Variants in DLEC1 observed in about 807,000 individuals in gnomAD.
The protein encoded by DLEC1 is deleted in lung and esophageal cancer protein 1.
Under a neutral mutation model 198.1 loss-of-function variants are expected in DLEC1, and 146 were observed. The observed-to-expected ratio is 0.74, with a 90% CI of 0.64 to 0.85. The LOEUF (loss-of-function observed/expected upper bound fraction) is 0.85, where lower values mean the gene tolerates loss of function less well. Ranked by LOEUF, DLEC1 falls within the 40% of genes least tolerant of loss-of-function variation. The pLI is 0.00. For synonymous variants in DLEC1, 897 were observed against 866.8 expected (o/e 1.03, Z -0.61); for missense variants, 2,233 against 2,220.0 (o/e 1.01, Z -0.12).
rs546649134 is a variant in DLEC1 at position 38,110,805 on chromosome 3, C to T, written c.3443+524C>T. 3.3e-5 allele frequency among the ~76,000 whole-genome samples: 5 copies of T among 152,070 alleles called. No homozygotes were observed. In the South Asian group the frequency reaches 8.3e-4, roughly 25 times the overall value. ...ACACACACACACGTACATATACACA[C>T]ACATGCATACACACATACATATACA... is the stretch of plus-strand genomic sequence containing the variant. On this transcript the variant is annotated intron_variant, in intron 23 of 36. Coordinates refer to ENST00000308059, the MANE Select transcript of DLEC1 (RefSeq NM_007335.4).
chr3:38,078,358 G>T (rs181611882), intron 6 of DLEC1, among the ~76,000 whole-genome samples: 1 of 152,212 alleles, frequency 6.6e-6, no homozygotes, highest in African/African-American at 2.4e-5. Flanking sequence ...AGCAGCAGCC[G>T]CTGCACGCAG....
chr3:38,062,231 A>G lies in DLEC1; in HGVS notation c.736A>G (p.Lys246Glu). 1.9e-6 allele frequency: 3 copies of G among 1,614,224 alleles called. No individual in the cohort carries two copies. The African/African-American group carries it at 4.0e-5, about 22-fold the overall frequency. The change falls in exon 4 of 37, where the codon AAA becomes GAA. Residue 246 changes from lysine (K) to glutamate (E), a missense_variant. Lys to Glu is a moderately conservative substitution (Grantham distance 56). Coordinates refer to ENST00000308059, the MANE Select transcript of DLEC1 (RefSeq NM_007335.4). ...FSCEKRSVQKKELNKKLEDSC... is the reference protein window; with the variant it reads ...FSCEKRSVQKEELNKKLEDSC... ...CTGTGAGAAGCGTTCCGTCCAGAAG[A>G]AAGAGCTGAACAAGAAGCTTGAAGA... is the stretch of plus-strand genomic sequence containing the variant.
intron 19 of DLEC1, among the ~76,000 whole-genome samples, chr3:38,100,839 C>T (rs1344573919): frequency 1.3e-5 from 2 of 152,130 alleles, no homozygotes; most frequent in African/African-American, 4.8e-5. Context: ...CACTGTCTGT[C>T]AACAGGAGAA....
intron 34 of DLEC1, 136 bp from the exon 35 acceptor site, chr3:38,121,491 TG>T: frequency 1.8e-6 from 2 of 1,100,432 alleles, no homozygotes; most frequent in Non-Finnish European, 2.6e-6. Flanking sequence ...AAGGTGGCGC[TG>T]GTCCCCTGCC....
In DLEC1 at chr3:38,112,517, T is replaced by G. The variant is rs1252919807; in HGVS notation, c.3666+156T>G. ...CGAGCTTGGGATGGGCATTCGTGTC[T>G]GAGGCAGCCTCTGGGGTTCTGGCTG... On this transcript the variant is annotated intron_variant, in intron 25 of 36. Coordinates refer to ENST00000308059, the MANE Select transcript of DLEC1 (RefSeq NM_007335.4). The surrounding 1 kb of genome is among the most constrained non-coding windows in gnomAD (Gnocchi z 4.8). 6.6e-6 allele frequency among the ~76,000 whole-genome samples: 1 copy of G among 152,228 alleles called. No homozygotes were observed. Among genetic ancestry groups the G allele is most frequent in the Non-Finnish European group, 1.5e-5 (1 of 68,048 alleles).
chr3:38,123,229 G>T lies in DLEC1; in HGVS notation c.*817G>T. 2 of 1,104,240 alleles carry T rather than the reference G, an allele frequency of 1.8e-6. No homozygotes were observed. The highest frequency in any genetic ancestry group is 2.7e-6 in the Non-Finnish European group (2 of 731,504). The allele number at this position is 1,104,240 out of a possible 1,614,324, so 68.4% of individuals were successfully genotyped here. On this transcript the variant is annotated 3_prime_UTR_variant, in exon 37 of 37. Transcript: ENST00000308059. ...GGACAAGTAGGATGCAAAACCATCA[G>T]ACCAGATCTGTGGGCAAGCGGTACC...
chr3:38,065,161 AC>A (rs1204224086), intron 6 of DLEC1, among the ~76,000 whole-genome samples: 8 of 152,338 alleles, frequency 5.3e-5, no homozygotes, highest in African/African-American at 1.9e-4. Context: ...GCACAGCGAA[AC>A]CCCGTCTCCA....
At chr3:38,121,412 C>T (rs943297631) in intron 34 of DLEC1, among the ~76,000 whole-genome samples, 5 of 152,188 alleles carry the variant, frequency 3.3e-5, no homozygotes, top group African/African-American at 9.6e-5. Context: ...GCAGGGACAG[C>T]GGGGGAATGG....
chr3:38,109,995 C>A (rs1699776438), intron 22 of DLEC1, 104 bp from the exon 23 acceptor site: 1 of 1,311,846 alleles, frequency 7.6e-7, no homozygotes, highest in African/African-American at 1.5e-5. Context: ...AGGATGAAGC[C>A]TGGTGTCTGG....
rs1699543079 is a variant in DLEC1, at chr3:38,105,875, T to A, written c.2865-1709T>A. Among the ~76,000 whole-genome samples, 6 of 152,228 alleles carry A rather than the reference T, an allele frequency of 3.9e-5. No homozygotes were observed. In the South Asian group the frequency reaches 1.2e-3, roughly 31 times the overall value. ...TTTCCTGCATTCCTCCATTATTGCCTTCTTCTTTGTTAGATAGGTAGTTTC... is the reference window on the plus strand; with the variant it reads ...TTTCCTGCATTCCTCCATTATTGCCATCTTCTTTGTTAGATAGGTAGTTTC... On this transcript the variant is annotated intron_variant, in intron 19 of 36. Coordinates refer to ENST00000308059, the MANE Select transcript of DLEC1 (RefSeq NM_007335.4).
chr3:38,116,840 A>C lies in DLEC1; in HGVS notation c.4130A>C (p.His1377Pro). 6.2e-7 allele frequency: 1 copy of C among 1,613,842 alleles called. No homozygotes were observed. Among genetic ancestry groups the C allele is most frequent in the Non-Finnish European group, 8.5e-7 (1 of 1,179,882 alleles). ...CTCATCTCAGTCATCCTGCAGGCAC[A>C]TGAGGGGGTGCCCTCCGGCCACCTG... ...QKLISVILQAHEGVPSGHLYC... is the reference protein window; with the variant it reads ...QKLISVILQAPEGVPSGHLYC... Residue 1377 changes from histidine (H) to proline (P), a missense_variant, in exon 29 of 37, where the codon CAT becomes CCT. His to Pro is a moderately conservative substitution (Grantham distance 77). Transcript: ENST00000308059.
At chr3:38,070,191 G>C (rs376939300) in intron 6 of DLEC1, among the ~76,000 whole-genome samples, 56 of 152,284 alleles carry the variant, frequency 3.7e-4, no homozygotes, top group African/African-American at 1.2e-3. Flanking sequence ...GGGCTTAAAG[G>C]GGGTGAGTGG....
At chr3:38,048,361 C>G (rs1227497804) in intron 2 of DLEC1, among the ~76,000 whole-genome samples, 1 of 152,168 alleles carries the variant, frequency 6.6e-6, no homozygotes, top group Non-Finnish European at 1.5e-5. Flanking sequence ...GTGCAGTAGA[C>G]AGAAAAGACA....
chr3:38,076,326 T>C (rs1157987317), intron 6 of DLEC1, among the ~76,000 whole-genome samples: 3 of 152,218 alleles, frequency 2.0e-5, no homozygotes, highest in Non-Finnish European at 4.4e-5. Flanking sequence ...CCAAACAGGC[T>C]TTGTGTGAGC....
chr3:38,040,535 A>G (rs1025756156), intron 1 of DLEC1, among the ~76,000 whole-genome samples: 1 of 152,206 alleles, frequency 6.6e-6, no homozygotes, highest in Non-Finnish European at 1.5e-5. Flanking sequence ...CACGGGTTAT[A>G]GGCTTCTTAA....
intron 6 of DLEC1, among the ~76,000 whole-genome samples, chr3:38,065,414 AAGGGAGAGGGAG>A (rs1273603226): frequency 1.3e-5 from 2 of 151,704 alleles, no homozygotes; most frequent in Non-Finnish European, 2.9e-5. Context: ...TGCAGAGGGA[AAGGGAGAGGGAG>A]AGGGCGGAAA....
Position 38,111,673 on chromosome 3 carries a change from A to G in DLEC1, c.3444-4A>G. The stretch of plus-strand genomic sequence containing the variant: ...ATACTATTTCTGTGTCTCCACTTGT[A>G]AAGTCCCAACATGCCTCCTGCCCTG... On this transcript the variant is annotated splice_polypyrimidine_tract_variant and splice_region_variant and intron_variant, in intron 23 of 36. Coordinates refer to ENST00000308059, the MANE Select transcript of DLEC1 (RefSeq NM_007335.4). 1 of 1,612,830 alleles carries G rather than the reference A, an allele frequency of 6.2e-7. No individual in the cohort carries two copies. Among genetic ancestry groups the G allele is most frequent in the Non-Finnish European group, 8.5e-7 (1 of 1,179,392 alleles).
At chr3:38,056,114 CACAA>C (rs1341850262) in intron 2 of DLEC1, among the ~76,000 whole-genome samples, 4 of 109,510 alleles carry the variant, frequency 3.7e-5, no homozygotes, top group South Asian at 2.7e-4. Context: ...CACACACACA[CACAA>C]ATAGCTGAGT....
chr3:38,093,459 T>C lies in DLEC1; in HGVS notation c.1757-146T>C, dbSNP rs973788459. 6.6e-6 allele frequency: 6 copies of C among 911,576 alleles called. No individual in the cohort carries two copies. In the African/African-American group the frequency reaches 9.9e-5, roughly 15 times the overall value. 56.5% of individuals were successfully genotyped at this position (911,576 alleles called of 1,614,324 possible). A position where few individuals can be genotyped will look rare whatever the true frequency, so the allele number is the denominator to read the frequency against. On this transcript the variant is annotated intron_variant, in intron 11 of 36. Coordinates refer to ENST00000308059, the MANE Select transcript of DLEC1 (RefSeq NM_007335.4). ...GTGAGAACATTAACCTGTGGGCGGA[T>C]ATCCCCCTTTTCCCTCCAGTGTGAG...
Sources: gnomAD v4.1 joint callset for allele counts (sites outside exome capture counted in the v4.1 genomes callset) on GRCh38, gnomAD v4.1.1 for gene constraint, Gnocchi (gnomAD v3.1) non-coding constraint, MANE v1.5 for transcripts, NCBI Gene and HGNC (gene_info 2026-07-23, HGNC 2026-07-21) for gene names.